The following ASH1L variants were observed in gnomAD, a reference collection of about 807,000 sequenced individuals.
The protein encoded by ASH1L is histone-lysine N-methyltransferase ASH1L.
Under a neutral mutation model 269.0 loss-of-function variants are expected in ASH1L, and 23 were observed. The ratio of observed to expected loss-of-function variants is 0.09; its 90% confidence interval spans 0.06 to 0.12. The LOEUF is 0.12. ASH1L is among the 10% of genes least tolerant of loss of function. The probability of loss-of-function intolerance (pLI) is 1.00; values close to 1 mark genes in which losing one functional copy is unlikely to be tolerated. For missense variants in ASH1L, 2,912 were observed against 3,567.8 expected (o/e 0.82, Z 4.68); for synonymous variants, 1,187 against 1,253.5 (o/e 0.95, Z 1.12).
At chr1:155,340,711 A>G (rs1462631427) in intron 25 of ASH1L, among the ~76,000 whole-genome samples, 1 of 152,154 alleles carries the variant, frequency 6.6e-6, no homozygotes, top group Non-Finnish European at 1.5e-5. Flanking sequence ...GAAAATGTTA[A>G]TAATGGTTAT....
intron 18 of ASH1L, 38 bp from the exon 19 acceptor site, chr1:155,349,497 A>G (rs1216619430): frequency 1.6e-5 from 26 of 1,614,104 alleles, no homozygotes; most frequent in Admixed American, 3.3e-5. Flanking sequence ...TGGCACACTT[A>G]GCACTTTTTA....
intron 3 of ASH1L, among the ~76,000 whole-genome samples, chr1:155,477,259 A>T: frequency 6.6e-6 from 1 of 152,204 alleles, no homozygotes; most frequent in Admixed American, 6.5e-5. Context: ...TAGATGTACA[A>T]ATGCATTTTC....
chr1:155,495,196 G>C (rs549328629), intron 2 of ASH1L, among the ~76,000 whole-genome samples: 1 of 152,308 alleles, frequency 6.6e-6, no homozygotes, highest in Admixed American at 6.5e-5. Context: ...GTGAAGTGGG[G>C]TGACAGCTAG....
intron 7 of ASH1L, among the ~76,000 whole-genome samples, chr1:155,390,974 C>CT (rs1657883863): frequency 6.7e-6 from 1 of 150,082 alleles, no homozygotes; most frequent in Non-Finnish European, 1.5e-5. Context: ...GAGACGGAGT[C>CT]TTGCTCTGTT....
chr1:155,416,966 CTG>C (rs1189144891), intron 5 of ASH1L, among the ~76,000 whole-genome samples: 1 of 144,170 alleles, frequency 6.9e-6, no homozygotes, highest in Admixed American at 7.2e-5. Flanking sequence ...GAGACTTGCT[CTG>C]TCTCCCAGGC....
rs1665246517 is a variant in ASH1L, at chr1:155,473,267, C to G, written c.4984+4619G>C. 2.0e-5 allele frequency among the ~76,000 whole-genome samples: 3 copies of G among 152,164 alleles called. No homozygotes were observed. The South Asian group carries it at 6.2e-4, about 31-fold the overall frequency. On this transcript the variant is annotated intron_variant, in intron 3 of 27. Transcript: ENST00000392403. ...CCTCTTGGCTCCTACTGGCAACAGACTTTTCTGCAAGTGTTTTTATTGTGT... is the reference window on the plus strand; with the variant it reads ...CCTCTTGGCTCCTACTGGCAACAGAGTTTTCTGCAAGTGTTTTTATTGTGT...
In ASH1L at chr1:155,354,617, T is replaced by G; in HGVS notation, c.7069A>C (p.Lys2357Gln). 1 of 1,609,682 alleles carries G rather than the reference T, an allele frequency of 6.2e-7. No individual in the cohort carries two copies. Among genetic ancestry groups the G allele is most frequent in the East Asian group, 2.2e-5 (1 of 44,874 alleles). The change falls in exon 16 of 28, where the codon AAG (lysine) becomes CAG (glutamine). Residue 2357 changes from lysine to glutamine, a missense_variant. Around this residue, in one of 13 missense-constraint regions of ASH1L, gnomAD observed 309 missense variants for 435.1 expected, o/e 0.71. Coordinates refer to ENST00000392403, the MANE Select transcript of ASH1L (RefSeq NM_018489.3). ...TTTCGGACCAAGAATACATGATGCT[T>G]TAACACAAAGTTCCTGCAAGGAAGG... ...MSNRERNFVL[K>Q]HHVFLVRNWE...
chr1:155,411,550 T>TATATAA (rs1193312876), intron 6 of ASH1L, among the ~76,000 whole-genome samples: 2 of 134,412 alleles, frequency 1.5e-5, no homozygotes, highest in Non-Finnish European at 3.1e-5. Flanking sequence ...TCTTATGATA[T>TATATAA]ATATAAATAT....
intron 7 of ASH1L, among the ~76,000 whole-genome samples, chr1:155,383,162 C>T (rs1229902680): frequency 3.9e-5 from 6 of 152,118 alleles, no homozygotes; most frequent in Admixed American, 3.9e-4. Flanking sequence ...TATTATGAGT[C>T]AAAGTGTTAA....
intron 4 of ASH1L, among the ~76,000 whole-genome samples, chr1:155,453,521 T>G (rs534364671): frequency 6.6e-6 from 1 of 152,242 alleles, no homozygotes; most frequent in African/African-American, 2.4e-5. Flanking sequence ...CATTTATGGC[T>G]GGGTGCAGTG....
In ASH1L at chr1:155,498,480, T is replaced by A. The variant is rs554149375; in HGVS notation, c.421-16031A>T. On this transcript the variant is annotated intron_variant, in intron 2 of 27. Coordinates refer to ENST00000392403, the MANE Select transcript of ASH1L (RefSeq NM_018489.3). ...TTTTGAGACAGAGTTTCGCTTTTGT[T>A]GCCCAGGCTGGAGTGCAATGGCATT... is the stretch of plus-strand genomic sequence containing the variant. Among the ~76,000 whole-genome samples the A allele has an allele frequency of 1.2e-4, 18 of 152,258 alleles. No individual in the cohort carries two copies. In the East Asian group the frequency reaches 2.7e-3, roughly 23 times the overall value.
Position 155,380,033 on chromosome 1 carries a change from C to A in ASH1L, c.6177+10G>T, listed in dbSNP as rs1390419052. On this transcript the variant is annotated intron_variant, in intron 8 of 27. Coordinates refer to ENST00000392403, the MANE Select transcript of ASH1L (RefSeq NM_018489.3). The stretch of plus-strand genomic sequence containing the variant: ...TAAGAATGAAACCTGGTAAAACAGG[C>A]TCTCTGTACCTGATTGTGTTTCCAC... 2 of 1,595,496 alleles carry A rather than the reference C, an allele frequency of 1.3e-6. No homozygotes were observed. The highest frequency in any genetic ancestry group is 2.7e-5 in the African/African-American group (2 of 74,454).
chr1:155,501,080 T>C (rs971405329), intron 2 of ASH1L, among the ~76,000 whole-genome samples: 6 of 152,142 alleles, frequency 3.9e-5, no homozygotes, highest in South Asian at 2.1e-4. Context: ...CAATACCCCA[T>C]AGTATTAATA....
intron 2 of ASH1L, among the ~76,000 whole-genome samples, chr1:155,516,646 T>TA (rs1553272318): frequency 6.6e-6 from 1 of 152,056 alleles, no homozygotes; most frequent in Non-Finnish European, 1.5e-5. Context: ...AATTTTTTTT[T>TA]ATTAAAATAA....
At chr1:155,476,657 T>C (rs1374620965) in intron 3 of ASH1L, among the ~76,000 whole-genome samples, 1 of 151,176 alleles carries the variant, frequency 6.6e-6, no homozygotes, top group Non-Finnish European at 1.5e-5. Context: ...GTTCACGCCA[T>C]TCTCCTGCCT....
rs558364080 is a variant in ASH1L, at chr1:155,534,415, C to G, written c.-99-12797G>C. On this transcript the variant is annotated intron_variant, in intron 1 of 27. Transcript: ENST00000392403. ...TTTAAGAGACATGTTAGATATTTGT[C>G]AATATAATGTGAGAGGATGAGGGTG... 2.7e-5 allele frequency among the ~76,000 whole-genome samples: 4 copies of G among 150,368 alleles called. No homozygotes were observed. In the South Asian group the frequency reaches 8.4e-4, roughly 32 times the overall value.
intron 2 of ASH1L, among the ~76,000 whole-genome samples, chr1:155,486,014 C>CA: frequency 6.6e-6 from 1 of 150,908 alleles, no homozygotes; most frequent in Middle Eastern, 3.4e-3. Flanking sequence ...TTGCAACTTT[C>CA]AGTTACTGGT....
intron 2 of ASH1L, among the ~76,000 whole-genome samples, chr1:155,509,069 AATT>A (rs1037679622): frequency 6.6e-6 from 1 of 152,220 alleles, no homozygotes; most frequent in African/African-American, 2.4e-5. Context: ...AGAAAAAAAA[AATT>A]ATTTTCACTG....
intron 1 of ASH1L, among the ~76,000 whole-genome samples, chr1:155,546,576 C>T (rs1242349613): frequency 9.9e-5 from 15 of 152,048 alleles, no homozygotes; most frequent in African/African-American, 2.7e-4. Context: ...CTGGCCAACA[C>T]GGTGAAACCA....
Sources: gnomAD v4.1 joint callset for allele counts (sites outside exome capture counted in the v4.1 genomes callset) on GRCh38, gnomAD v4.1.1 for gene constraint, gnomAD v4.1.1 regional missense constraint, MANE v1.5 for transcripts, NCBI Gene and HGNC (gene_info 2026-07-23, HGNC 2026-07-21) for gene names.